UPP2: variants seen among roughly 807,000 people sequenced by gnomAD.
UPP2 encodes uridine phosphorylase 2, also known as UPase 2.
A neutral mutation model predicts 26.7 loss-of-function variants in UPP2; 23 were observed. The ratio of observed to expected loss-of-function variants is 0.86; its 90% CI spans 0.62 to 1.22. The LOEUF is 1.22. UPP2 is among the 50% of genes most tolerant of loss of function. The pLI is 0.00. For synonymous variants in UPP2, 127 were observed against 141.3 expected (o/e 0.90, Z 0.72); for missense variants, 387 against 396.7 (o/e 0.98, Z 0.21).
At chr2:158,063,957 T>G (rs1016252725) in intron 3 of UPP2, among the ~76,000 whole-genome samples, 1 of 152,250 alleles carries the variant, frequency 6.6e-6, no homozygotes, top group Admixed American at 6.5e-5. Flanking sequence ...TAGTATTCCA[T>G]GGTGTATATG....
At chr2:158,090,282 C>A (rs917367374) in intron 3 of UPP2, among the ~76,000 whole-genome samples, 3 of 152,116 alleles carry the variant, frequency 2.0e-5, no homozygotes, top group African/African-American at 7.2e-5. Flanking sequence ...GCGGGCGGAT[C>A]ACGAGGTCGG....
chr2:158,037,568 C>T (rs1371565113), intron 3 of UPP2, among the ~76,000 whole-genome samples: 2 of 152,070 alleles, frequency 1.3e-5, no homozygotes, highest in Non-Finnish European at 2.9e-5. Context: ...GAGTCTGTTC[C>T]ATGCCTCTCT....
At chr2:158,071,387 C>T (rs1682537192) in intron 3 of UPP2, among the ~76,000 whole-genome samples, 1 of 151,800 alleles carries the variant, frequency 6.6e-6, no homozygotes, top group Non-Finnish European at 1.5e-5. Context: ...CCTGTCTCTA[C>T]TAAAAATACA....
At chr2:158,122,699 A>G (rs931028718) in intron 5 of UPP2, among the ~76,000 whole-genome samples, 5 of 149,300 alleles carry the variant, frequency 3.3e-5, no homozygotes, top group Non-Finnish European at 7.6e-5. Context: ...TGAAATAACT[A>G]GCATTTAAAA....
At chr2:158,058,817 C>G (rs1197485117) in intron 3 of UPP2, among the ~76,000 whole-genome samples, 1 of 152,080 alleles carries the variant, frequency 6.6e-6, no homozygotes, top group Non-Finnish European at 1.5e-5. Flanking sequence ...ACACCAAGAT[C>G]TGGGCAATGA....
At chr2:158,006,155 A>G (rs1683483392) in intron 2 of UPP2, among the ~76,000 whole-genome samples, 1 of 152,210 alleles carries the variant, frequency 6.6e-6, no homozygotes, top group Non-Finnish European at 1.5e-5. Context: ...CAAGAGCACA[A>G]TGTGGTTAAG....
intron 2 of UPP2, among the ~76,000 whole-genome samples, chr2:158,013,172 T>C (rs1307516318): frequency 6.6e-6 from 1 of 152,112 alleles, no homozygotes; most frequent in Non-Finnish European, 1.5e-5. Context: ...AAAGTTTTAT[T>C]TTTTGTGGAG....
intron 4 of UPP2, among the ~76,000 whole-genome samples, chr2:158,119,238 T>C (rs1258086847): frequency 1.3e-5 from 2 of 152,048 alleles, no homozygotes; most frequent in Admixed American, 6.6e-5. Context: ...AACACCAGCA[T>C]GGGCAAGGTG....
intron 3 of UPP2, among the ~76,000 whole-genome samples, chr2:158,077,880 A>G (rs747191263): frequency 6.6e-6 from 1 of 152,172 alleles, no homozygotes; most frequent in African/African-American, 2.4e-5. Context: ...TAAACTACCT[A>G]TCTGACAAGG....
intron 3 of UPP2, among the ~76,000 whole-genome samples, chr2:158,068,594 C>A (rs1337491570): frequency 6.6e-6 from 1 of 151,192 alleles, no homozygotes. Flanking sequence ...CATGCTGTTT[C>A]CTCACCTGTA....
intron 3 of UPP2, among the ~76,000 whole-genome samples, chr2:158,046,260 C>A (rs1684151288): frequency 6.6e-6 from 1 of 152,260 alleles, no homozygotes; most frequent in East Asian, 1.9e-4. Flanking sequence ...AAATGTATAA[C>A]CTCATCGCCA....
At chr2:158,018,839 G>A (rs1025277226) in intron 3 of UPP2, among the ~76,000 whole-genome samples, 19 of 152,088 alleles carry the variant, frequency 1.2e-4, no homozygotes, top group Non-Finnish European at 1.9e-4. Flanking sequence ...CTGTGAAAAC[G>A]GCCATATATG....
rs543934791 is a variant in UPP2, at chr2:158,033,583, G to A, written c.147+17697G>A. On this transcript the variant is annotated intron_variant, in intron 3 of 9. Coordinates refer to the UPP2 transcript ENST00000605860. ...AAGGAGAAGAGGCTGGGGAATGGGCGGTCCAGCAGTTGGTCTCCATGTAGG... is the reference window on the plus strand; with the variant it reads ...AAGGAGAAGAGGCTGGGGAATGGGCAGTCCAGCAGTTGGTCTCCATGTAGG... Among the ~76,000 whole-genome samples, 51 of 152,268 alleles carry A rather than the reference G, an allele frequency of 3.3e-4. 1 individual carries two copies. The South Asian group carries it at 9.1e-3, about 27-fold the overall frequency.
At chr2:158,070,994 G>A (rs917182060) in intron 3 of UPP2, among the ~76,000 whole-genome samples, 7 of 152,314 alleles carry the variant, frequency 4.6e-5, no homozygotes, top group South Asian at 2.1e-4. Context: ...AGCCTTAGCC[G>A]GAGGGGGATC....
chr2:158,122,967 A>C (rs898142207), intron 5 of UPP2, among the ~76,000 whole-genome samples: 16 of 152,166 alleles, frequency 1.1e-4, no homozygotes, highest in African/African-American at 3.9e-4. Flanking sequence ...GAAAGGGAGA[A>C]AAAGAGAGGA....
At chr2:158,092,687 A>T (rs531211962) in intron 3 of UPP2, among the ~76,000 whole-genome samples, 1 of 152,338 alleles carries the variant, frequency 6.6e-6, no homozygotes, top group East Asian at 1.9e-4. Flanking sequence ...AGTGGTAACC[A>T]TAAGACTAAA....
chr2:158,065,653 A>G, intron 3 of UPP2: 1 of 575,984 alleles, frequency 1.7e-6, no homozygotes, highest in South Asian at 1.6e-5. Context: ...TCGTAGAGGA[A>G]CTTAAGAAGT....
intron 3 of UPP2, among the ~76,000 whole-genome samples, chr2:158,042,811 G>A (rs1684099380): frequency 1.3e-5 from 2 of 152,134 alleles, no homozygotes; most frequent in Admixed American, 1.3e-4. Flanking sequence ...CGAGGATGCT[G>A]GAGAGGAAGG....
intron 3 of UPP2, among the ~76,000 whole-genome samples, chr2:158,034,670 A>G (rs1683973741): frequency 6.6e-6 from 1 of 152,178 alleles, no homozygotes; most frequent in Non-Finnish European, 1.5e-5. Flanking sequence ...ATAAATCTGG[A>G]CTAATTACGC....
Sources: gnomAD v4.1 joint callset for allele counts (sites outside exome capture counted in the v4.1 genomes callset) on GRCh38, gnomAD v4.1.1 for gene constraint, MANE v1.5 for transcripts, NCBI Gene and HGNC (gene_info 2026-07-23, HGNC 2026-07-21) for gene names.